PCDHGA8: variants seen among roughly 807,000 people sequenced by gnomAD.
PCDHGA8 encodes the protein protocadherin gamma-A8.
Under a neutral mutation model 59.2 loss-of-function variants are expected in PCDHGA8, and 45 were observed. The observed-to-expected ratio is 0.76, with a 90% CI of 0.60 to 0.98. The LOEUF is 0.98. Ranked by LOEUF, PCDHGA8 falls within the 50% of genes least tolerant of loss-of-function variation. The pLI, the probability that PCDHGA8 is intolerant of heterozygous loss-of-function variation, is 0.00. For synonymous variants in PCDHGA8, 531 were observed against 519.0 expected, an observed-to-expected ratio of 1.02 and a Z score of -0.32; for missense variants, 1,257 against 1,196.2, an observed-to-expected ratio of 1.05 and a Z score of -0.75.
chr5:141,449,283 A>C (rs937339676), intron 1 of PCDHGA8, among the ~76,000 whole-genome samples: 1 of 152,102 alleles, frequency 6.6e-6, no homozygotes, highest in African/African-American at 2.4e-5. Flanking sequence ...CTTCACCCGG[A>C]TGCACCGGGT....
chr5:141,495,386 G>C (rs2099760934), intron 2 of PCDHGA8, among the ~76,000 whole-genome samples: 1 of 152,214 alleles, frequency 6.6e-6, no homozygotes, highest in Non-Finnish European at 1.5e-5. Context: ...GGACTGGGCG[G>C]GGCATGGAGC....
Position 141,423,666 on chromosome 5 carries a change from AT to A in PCDHGA8, c.2424+28432del, listed in dbSNP as rs1184681047. 2.7e-6 allele frequency: 4 copies of A among 1,494,382 alleles called. No individual in the cohort carries two copies. The South Asian group carries it at 5.0e-5, about 19-fold the overall frequency. The allele number at this position is 1,494,382 out of a possible 1,614,324, so 92.6% of individuals were successfully genotyped here. A position where few individuals can be genotyped will look rare whatever the true frequency, so the allele number is the denominator to read the frequency against. ...GTGACCCGACAAGTAATCAGGTGAGATTTATTTCTCTGCCTCCTAATTGTTG... is the reference window on the plus strand; with the variant it reads ...GTGACCCGACAAGTAATCAGGTGAGATTATTTCTCTGCCTCCTAATTGTTG... On this transcript the variant is annotated intron_variant, in intron 1 of 3. Coordinates refer to ENST00000398604, the MANE Select transcript of PCDHGA8 (RefSeq NM_032088.2).
At chr5:141,417,872 T>G (rs2096175848) in intron 1 of PCDHGA8, 5 of 1,555,026 alleles carry the variant, frequency 3.2e-6, no homozygotes, top group African/African-American at 1.4e-5. Flanking sequence ...GGGAGGGAGC[T>G]GCGCGCAGAG....
intron 1 of PCDHGA8, chr5:141,399,617 T>G: frequency 6.2e-7 from 1 of 1,613,944 alleles, no homozygotes; most frequent in Non-Finnish European, 8.5e-7. Flanking sequence ...CCTCTGGCAC[T>G]GGCCTCTTAC....
intron 1 of PCDHGA8, among the ~76,000 whole-genome samples, chr5:141,473,350 G>A (rs28461214): frequency 0.13 from 19,833 of 152,204 alleles, 1,410 homozygotes; most frequent in African/African-American, 0.17. Context: ...CAGTGAGGAT[G>A]CAAGTGGCCA....
Position 141,490,810 on chromosome 5 carries a change from T to C in PCDHGA8, c.2425-3997T>C, listed in dbSNP as rs2099704652. On this transcript the variant is annotated intron_variant, in intron 1 of 3. Transcript: ENST00000398604. This position sits in a 1 kb window ranked among gnomAD's most constrained non-coding sequence, Gnocchi z 5.4. ...GATCTTTGCCCAGCGTACCTTTGAC[T>C]ATGAATTGCTGCAGATGCTGCAGAT... 1 of 1,613,936 alleles carries C rather than the reference T, an allele frequency of 6.2e-7. No individual in the cohort carries two copies. Among genetic ancestry groups the C allele is most frequent in the Non-Finnish European group, 8.5e-7 (1 of 1,179,884 alleles).
intron 1 of PCDHGA8, chr5:141,428,040 G>A: frequency 6.2e-7 from 1 of 1,608,668 alleles, no homozygotes; most frequent in Non-Finnish European, 8.5e-7. Flanking sequence ...CGGCTACCTG[G>A]TGACCAAGGT....
chr5:141,465,430 C>T (rs1212434943), intron 1 of PCDHGA8, among the ~76,000 whole-genome samples: 2 of 152,150 alleles, frequency 1.3e-5, no homozygotes, highest in Non-Finnish European at 2.9e-5. Context: ...AAGGTGGGCA[C>T]TTAATGATTA....
In PCDHGA8 at chr5:141,415,509, T is replaced by C. The variant is rs1296405723; in HGVS notation, c.2424+20272T>C. The C allele has an allele frequency of 4.3e-6, 7 of 1,614,054 alleles. No individual in the cohort carries two copies. In the Admixed American group the frequency reaches 5.0e-5, roughly 12 times the overall value. On this transcript the variant is annotated intron_variant, in intron 1 of 3. Transcript: ENST00000398604. ...GTCACCTGATCTTCCCCCAGCCCAA[T>C]TATGCGGACACGCTCATCAGCCAGG...
At position 141,430,860 on chromosome 5, in the gene PCDHGA8, C is replaced by G. The variant is rs773955533; in HGVS notation, c.2424+35623C>G. ...ACCGGATGCACCCAGATACGCTATTCAGTTCCGGAAGAGCTGGAGAAAGGC... is the reference window on the plus strand; with the variant it reads ...ACCGGATGCACCCAGATACGCTATTGAGTTCCGGAAGAGCTGGAGAAAGGC... On this transcript the variant is annotated intron_variant, in intron 1 of 3. Transcript: ENST00000398604. 4 of 1,592,382 alleles carry G rather than the reference C, an allele frequency of 2.5e-6. No individual in the cohort carries two copies. In the South Asian group the frequency reaches 4.6e-5, roughly 18 times the overall value.
At position 141,393,960 on chromosome 5, in the gene PCDHGA8, G is replaced by T; in HGVS notation, c.1147G>T (p.Val383Phe). The T allele has an allele frequency of 6.2e-7, 1 of 1,613,944 alleles. No individual in the cohort carries two copies. Among genetic ancestry groups the T allele is most frequent in the South Asian group, 1.1e-5 (1 of 91,080 alleles). Reference protein sequence around the residue: ...DQDSGKNGQVVCYTRDNLPFK... With the variant: ...DQDSGKNGQVFCYTRDNLPFK... ...AGACTCTGGAAAGAATGGTCAAGTT[G>T]TCTGTTACACACGTGATAATTTACC... is the stretch of plus-strand genomic sequence containing the variant. The change falls in exon 1 of 4, where the codon GTC becomes TTC. Residue 383 changes from valine (V) to phenylalanine (F), a missense_variant. Physicochemically the swap from Val to Phe is conservative, Grantham distance 50. Coordinates refer to ENST00000398604, the MANE Select transcript of PCDHGA8 (RefSeq NM_032088.2).
At chr5:141,452,966 G>T (rs996204633) in intron 1 of PCDHGA8, among the ~76,000 whole-genome samples, 6 of 152,098 alleles carry the variant, frequency 3.9e-5, no homozygotes, top group Admixed American at 1.3e-4. Context: ...TAAACTGAGG[G>T]TATATTGTCA....
chr5:141,413,425 C>T, intron 1 of PCDHGA8: 1 of 1,614,098 alleles, frequency 6.2e-7, no homozygotes, highest in Non-Finnish European at 8.5e-7. Flanking sequence ...TCTGAACCCG[C>T]GCAGCGGCAG....
At chr5:141,410,699 A>T (rs760193148) in intron 1 of PCDHGA8, 1 of 1,478,344 alleles carries the variant, frequency 6.8e-7, no homozygotes, top group East Asian at 2.3e-5. Flanking sequence ...CTTTATTTTC[A>T]TATCTAGAAT....
At chr5:141,480,497 A>G (rs909585240) in intron 1 of PCDHGA8, among the ~76,000 whole-genome samples, 6 of 152,236 alleles carry the variant, frequency 3.9e-5, no homozygotes, top group Non-Finnish European at 8.8e-5. Flanking sequence ...CCTTAGAAAT[A>G]CACATATGAG....
chr5:141,476,825 G>A lies in PCDHGA8; in HGVS notation c.2425-17982G>A. ...GCCTATTCACATCAAGGTGCTGGACGCGAATGACAATGCGCCTGTCTTCAA... is the reference window on the plus strand; with the variant it reads ...GCCTATTCACATCAAGGTGCTGGACACGAATGACAATGCGCCTGTCTTCAA... On this transcript the variant is annotated intron_variant, in intron 1 of 3. Transcript: ENST00000398604. The surrounding 1 kb of genome is among the most constrained non-coding windows in gnomAD (Gnocchi z 7.6). 6.2e-7 allele frequency: 1 copy of A among 1,613,554 alleles called. No individual in the cohort carries two copies. Among genetic ancestry groups the A allele is most frequent in the East Asian group, 2.2e-5 (1 of 44,870 alleles).
intron 1 of PCDHGA8, chr5:141,409,672 T>C (rs1411780634): frequency 2.5e-6 from 4 of 1,613,458 alleles, no homozygotes; most frequent in Non-Finnish European, 2.5e-6. Flanking sequence ...TCTCCTACTC[T>C]ATAGTGGCGA....
Position 141,476,935 on chromosome 5 carries a change from A to G in PCDHGA8, c.2425-17872A>G. The G allele has an allele frequency of 6.2e-7, 1 of 1,614,166 alleles. No homozygotes were observed. Among genetic ancestry groups the G allele is most frequent in the Non-Finnish European group, 8.5e-7 (1 of 1,180,046 alleles). Reference sequence around the variant, plus strand: ...AAGTCCTTGCAACGGATCTGGATGAAGGCCCCAACGGTGAAATTATTTACT... The same window carrying G: ...AAGTCCTTGCAACGGATCTGGATGAGGGCCCCAACGGTGAAATTATTTACT... On this transcript the variant is annotated intron_variant, in intron 1 of 3. Transcript: ENST00000398604. This position sits in a 1 kb window ranked among gnomAD's most constrained non-coding sequence, Gnocchi z 7.6.
rs1380467870 is a variant in PCDHGA8, at chr5:141,394,746, G to A, written c.1933G>A (p.Ala645Thr). 1.9e-6 allele frequency: 3 copies of A among 1,613,418 alleles called. No individual in the cohort carries two copies. The change falls in exon 1 of 4, where the codon GCC (alanine) becomes ACC (threonine). Residue 645 changes from alanine to threonine, a missense_variant. Ala to Thr is a moderately conservative substitution (Grantham distance 58, BLOSUM62 0). Transcript: ENST00000398604. ...TGCGCTCAAGCAGAGCCTCGTGGTG[G>A]CCGTCCAGGACCATGGCCAGCCCCC... ...RDALKQSLVVAVQDHGQPPLS... is the reference protein window; with the variant it reads ...RDALKQSLVVTVQDHGQPPLS...
Sources: allele counts gnomAD v4.1 joint callset (sites outside exome capture counted in the v4.1 genomes callset), GRCh38; gene constraint gnomAD v4.1.1; non-coding constraint Gnocchi (gnomAD v3.1); transcripts MANE v1.5; gene names NCBI Gene and HGNC (gene_info 2026-07-23, HGNC 2026-07-21).